MYO1E: variants seen among roughly 807,000 people sequenced by gnomAD.
MYO1E encodes the protein myosin IE.
MYO1E carries 68 observed loss-of-function variants against 151.1 expected under a neutral mutation model. The ratio of observed to expected loss-of-function variants is 0.45; its 90% CI spans 0.37 to 0.55. The LOEUF (loss-of-function observed/expected upper bound fraction) is 0.55. MYO1E is among the 20% of genes least tolerant of loss of function. The pLI is 0.00. For synonymous variants in MYO1E, 601 were observed against 501.7 expected, an observed-to-expected ratio of 1.20 and a Z score of -2.64; for missense variants, 1,363 against 1,389.3, an observed-to-expected ratio of 0.98 and a Z score of 0.30.
chr15:59,354,330 G>C (rs541289511), intron 1 of MYO1E, among the ~76,000 whole-genome samples: 17 of 152,300 alleles, frequency 1.1e-4, no homozygotes, highest in Admixed American at 6.5e-4. Context: ...GCAAATCCTC[G>C]TCTTTAAACC....
chr15:59,339,853 G>GT (rs11300848), intron 1 of MYO1E, among the ~76,000 whole-genome samples: 19,339 of 133,478 alleles, frequency 0.14, 1,484 homozygotes, highest in East Asian at 0.29. Flanking sequence ...ACTTTTTTTT[G>GT]TTTTTTTTTT....
chr15:59,143,909 C>G (rs2079425643), intron 26 of MYO1E, among the ~76,000 whole-genome samples: 1 of 152,190 alleles, frequency 6.6e-6, no homozygotes, highest in Non-Finnish European at 1.5e-5. Context: ...CTCTGGCAAA[C>G]CCCCGGCCAT....
intron 1 of MYO1E, among the ~76,000 whole-genome samples, chr15:59,279,807 C>T (rs1229433605): frequency 2.0e-5 from 3 of 152,138 alleles, no homozygotes. Flanking sequence ...GTAAGGAGCC[C>T]CAATTTTGTT....
Position 59,216,263 on chromosome 15 carries a change from C to G in MYO1E, c.1108-1543G>C, listed in dbSNP as rs2079913662. 2.6e-5 allele frequency among the ~76,000 whole-genome samples: 4 copies of G among 151,998 alleles called. 1 individual carries two copies. The South Asian group carries it at 8.3e-4, about 32-fold the overall frequency. ...GCCTCCTAGATCACTCACATAATAACAGAGTGACCTTGGGCAAATTCCTTA... is the reference window on the plus strand; with the variant it reads ...GCCTCCTAGATCACTCACATAATAAGAGAGTGACCTTGGGCAAATTCCTTA... On this transcript the variant is annotated intron_variant, in intron 10 of 27. Coordinates refer to ENST00000288235, the MANE Select transcript of MYO1E (RefSeq NM_004998.4).
chr15:59,156,391 G>T (rs1331603947), intron 25 of MYO1E, among the ~76,000 whole-genome samples: 1 of 152,100 alleles, frequency 6.6e-6, no homozygotes. Flanking sequence ...TGTCATGTTG[G>T]CTAGGCTGGT....
At chr15:59,182,675 A>G (rs1298180027) in intron 18 of MYO1E, among the ~76,000 whole-genome samples, 2 of 152,220 alleles carry the variant, frequency 1.3e-5, no homozygotes, top group Non-Finnish European at 2.9e-5. Flanking sequence ...TCCTCAACAT[A>G]AAAGGAATAA....
At chr15:59,236,782 CAGGCAGAAAA>C in intron 4 of MYO1E, 110 bp from the exon 5 acceptor site, 1 of 1,097,428 alleles carries the variant, frequency 9.1e-7, no homozygotes, top group East Asian at 2.4e-5. Context: ...ACAAAAAAAA[CAGGCAGAAAA>C]GAATTTTTTT....
intron 7 of MYO1E, among the ~76,000 whole-genome samples, chr15:59,226,423 A>G (rs1224237450): frequency 6.6e-6 from 1 of 152,240 alleles, no homozygotes; most frequent in Non-Finnish European, 1.5e-5. Context: ...TGGATCTTCA[A>G]TATAAAATAC....
chr15:59,179,425 C>T (rs2079645406), intron 18 of MYO1E, among the ~76,000 whole-genome samples: 1 of 152,180 alleles, frequency 6.6e-6, no homozygotes, highest in African/African-American at 2.4e-5. Context: ...ATCTGTGTGG[C>T]TCCTGCTGTA....
At chr15:59,252,471 T>C (rs2080170598) in intron 4 of MYO1E, among the ~76,000 whole-genome samples, 1 of 151,962 alleles carries the variant, frequency 6.6e-6, no homozygotes, top group African/African-American at 2.4e-5. Flanking sequence ...TCCTAGCAAT[T>C]TGGGAGGCTA....
intron 4 of MYO1E, among the ~76,000 whole-genome samples, chr15:59,247,325 T>C (rs903668798): frequency 6.6e-5 from 10 of 152,210 alleles, no homozygotes; most frequent in Admixed American, 1.3e-4. Context: ...ATATGGTAGC[T>C]ATTACATCTC....
chr15:59,156,980 T>C (rs1258999944), intron 25 of MYO1E, among the ~76,000 whole-genome samples: 1 of 151,988 alleles, frequency 6.6e-6, no homozygotes, highest in Non-Finnish European at 1.5e-5. Flanking sequence ...CCCAACACTT[T>C]GGGAGGCCAA....
At chr15:59,180,700 A>G (rs2079653194) in intron 18 of MYO1E, among the ~76,000 whole-genome samples, 1 of 152,092 alleles carries the variant, frequency 6.6e-6, no homozygotes, top group Non-Finnish European at 1.5e-5. Flanking sequence ...ATCCTTTGGT[A>G]TCGCACTGGA....
intron 1 of MYO1E, among the ~76,000 whole-genome samples, chr15:59,284,610 T>C (rs1237143719): frequency 8.0e-5 from 12 of 150,696 alleles, no homozygotes; most frequent in Non-Finnish European, 1.5e-4. Context: ...CCACCATACC[T>C]GGCTGTGTTT....
chr15:59,236,220 G>A (rs939312322), intron 5 of MYO1E, among the ~76,000 whole-genome samples: 3 of 151,870 alleles, frequency 2.0e-5, no homozygotes, highest in South Asian at 2.1e-4. Context: ...GGGCACACCT[G>A]TAATCCCAGC....
intron 4 of MYO1E, among the ~76,000 whole-genome samples, chr15:59,252,679 C>T (rs1315333886): frequency 2.0e-5 from 3 of 150,566 alleles, no homozygotes. Flanking sequence ...CGTGCCACTG[C>T]ACTCCAGCCT....
At chr15:59,203,640 C>T (rs1488729519) in intron 15 of MYO1E, among the ~76,000 whole-genome samples, 1 of 151,752 alleles carries the variant, frequency 6.6e-6, no homozygotes, top group Non-Finnish European at 1.5e-5. Context: ...TCCCAAAGTG[C>T]TGTGATTACA....
At chr15:59,152,679 A>C (rs1204893073) in intron 26 of MYO1E, among the ~76,000 whole-genome samples, 1 of 152,178 alleles carries the variant, frequency 6.6e-6, no homozygotes, top group Non-Finnish European at 1.5e-5. Flanking sequence ...AGTTTGCTGC[A>C]AGTTTGATGG....
chr15:59,167,123 C>T (rs8036093), intron 22 of MYO1E, among the ~76,000 whole-genome samples: 142,920 of 152,242 alleles, frequency 0.94, 67,195 homozygotes, highest in East Asian at 0.99. Flanking sequence ...GGCAGTGAAG[C>T]GGGCTGTTTT....
Sources: gnomAD v4.1 joint callset for allele counts (sites outside exome capture counted in the v4.1 genomes callset) on GRCh38, gnomAD v4.1.1 for gene constraint, MANE v1.5 for transcripts, NCBI Gene and HGNC (gene_info 2026-07-23, HGNC 2026-07-21) for gene names.